Variants in CSMD1 observed in about 807,000 individuals in gnomAD.
CSMD1 encodes CUB and sushi domain-containing protein 1.
In CSMD1, 213 loss-of-function variants were observed where a neutral mutation model predicts 417.5. The observed-to-expected ratio is 0.51, with a 90% CI of 0.46 to 0.57. CSMD1 has a LOEUF of 0.57. CSMD1 is among the 20% of genes least tolerant of loss of function. The pLI, the probability that CSMD1 is intolerant of heterozygous loss-of-function variation, is 0.00. For missense variants in CSMD1, 6,923 were observed against 4,529.7 expected (o/e 1.53, Z -15.17); for synonymous variants, 2,862 against 1,736.8 (o/e 1.65, Z -16.11).
chr8:4,039,155 A>T (rs995709904), intron 3 of CSMD1, among the ~76,000 whole-genome samples: 1 of 152,202 alleles, frequency 6.6e-6, no homozygotes, highest in Non-Finnish European at 1.5e-5. Context: ...GCATGTGTAC[A>T]ATCAGTGGAA....
rs138595126 is a variant in CSMD1, at chr8:2,951,668, C to G, written c.10040-393G>C. 1.3e-3 allele frequency among the ~76,000 whole-genome samples: 203 copies of G among 152,184 alleles called. 1 individual carries two copies. Among genetic ancestry groups the G allele is most frequent in the African/African-American group, 4.4e-3 (181 of 41,528 alleles). ...TCACTACTGATATTTCAATGATATC[C>G]AAGTCTACTCTTTGAAAGACTTGGA... On this transcript the variant is annotated intron_variant, in intron 65 of 69. Transcript: ENST00000635120.
intron 2 of CSMD1, among the ~76,000 whole-genome samples, chr8:4,627,719 T>G (rs945135136): frequency 6.6e-6 from 1 of 152,028 alleles, no homozygotes; most frequent in Non-Finnish European, 1.5e-5. Context: ...GCCAAAAAAA[T>G]AACAGTTGCT....
chr8:4,367,391 G>T (rs545001993), intron 3 of CSMD1, among the ~76,000 whole-genome samples: 4 of 151,970 alleles, frequency 2.6e-5, no homozygotes, highest in Middle Eastern at 3.2e-3. Flanking sequence ...TTATTTCTGG[G>T]TCCTCTCTCA....
At position 3,412,180 on chromosome 8, in the gene CSMD1, A is replaced by G. The variant is rs1031003672; in HGVS notation, c.1562-2575T>C. 2.0e-5 allele frequency among the ~76,000 whole-genome samples: 3 copies of G among 146,478 alleles called. 1 individual carries two copies. Among genetic ancestry groups the G allele is most frequent in the Non-Finnish European group, 4.5e-5 (3 of 67,080 alleles). ...CGTATATATACATATATACATATATATACACACATATACATACATACACAC... is the reference window on the plus strand; with the variant it reads ...CGTATATATACATATATACATATATGTACACACATATACATACATACACAC... On this transcript the variant is annotated intron_variant, in intron 12 of 69. Coordinates refer to ENST00000635120, the MANE Select transcript of CSMD1 (RefSeq NM_033225.6).
chr8:3,282,383 G>T (rs1259705709), intron 26 of CSMD1, among the ~76,000 whole-genome samples: 3 of 151,896 alleles, frequency 2.0e-5, no homozygotes, highest in Admixed American at 2.0e-4. Context: ...AATAAAACCT[G>T]TTGAAAAAAA....
chr8:4,404,015 T>C (rs956139943), intron 3 of CSMD1, among the ~76,000 whole-genome samples: 3 of 152,178 alleles, frequency 2.0e-5, no homozygotes, highest in South Asian at 2.1e-4. Context: ...GCAAACTCGA[T>C]TGGTATTAAA....
At chr8:4,687,220 G>T (rs1384588580) in intron 1 of CSMD1, among the ~76,000 whole-genome samples, 1 of 152,186 alleles carries the variant, frequency 6.6e-6, no homozygotes, top group Non-Finnish European at 1.5e-5. Flanking sequence ...TCTGATGACT[G>T]CATCTCCAGG....
intron 10 of CSMD1, among the ~76,000 whole-genome samples, chr8:3,507,368 T>A (rs147577461): frequency 6.6e-6 from 1 of 152,228 alleles, no homozygotes; most frequent in Non-Finnish European, 1.5e-5. Context: ...TATTACATGA[T>A]GTATTTGTGC....
intron 2 of CSMD1, among the ~76,000 whole-genome samples, chr8:4,482,282 T>C (rs567261078): frequency 5.3e-4 from 80 of 152,256 alleles, no homozygotes; most frequent in African/African-American, 1.8e-3. Flanking sequence ...TGTGTGTTGT[T>C]CCTCTCTGTG....
At chr8:3,763,337 G>A (rs979434968) in intron 5 of CSMD1, among the ~76,000 whole-genome samples, 2 of 152,118 alleles carry the variant, frequency 1.3e-5, no homozygotes, top group African/African-American at 4.8e-5. Flanking sequence ...GGGAGGTGTT[G>A]GTGTCATGGG....
intron 5 of CSMD1, among the ~76,000 whole-genome samples, chr8:3,946,041 C>A (rs1811201568): frequency 3.3e-5 from 5 of 152,132 alleles, no homozygotes. Flanking sequence ...GTAGGCGCTA[C>A]TTTTACCTTT....
At chr8:3,212,730 C>T (rs1028252215) in intron 30 of CSMD1, among the ~76,000 whole-genome samples, 4 of 151,958 alleles carry the variant, frequency 2.6e-5, no homozygotes, top group Non-Finnish European at 4.4e-5. Context: ...GTTTCAGGAT[C>T]ATAAGAGAAT....
intron 26 of CSMD1, among the ~76,000 whole-genome samples, chr8:3,259,729 T>A (rs17319673): frequency 6.6e-6 from 1 of 152,128 alleles, no homozygotes. Context: ...ACTCACTGAT[T>A]GATTTTGTGT....
At chr8:4,150,505 G>C (rs57428505) in intron 3 of CSMD1, among the ~76,000 whole-genome samples, 50,528 of 152,000 alleles carry the variant, frequency 0.33, 8,547 homozygotes, top group Middle Eastern at 0.43. Flanking sequence ...ATATCTTCTA[G>C]AAGGCAGAAT....
intron 3 of CSMD1, among the ~76,000 whole-genome samples, chr8:4,314,118 G>A (rs1392774998): frequency 4.6e-5 from 7 of 151,986 alleles, no homozygotes; most frequent in African/African-American, 1.7e-4. Context: ...ATACCACCAT[G>A]TATCCGACAT....
chr8:4,038,610 T>C (rs1414478716), intron 3 of CSMD1, among the ~76,000 whole-genome samples: 1 of 152,248 alleles, frequency 6.6e-6, no homozygotes. Context: ...ATGAAGAATT[T>C]AGTAAATACC....
At chr8:4,652,865 A>G (rs1348515352) in intron 1 of CSMD1, among the ~76,000 whole-genome samples, 1 of 152,086 alleles carries the variant, frequency 6.6e-6, no homozygotes, top group Non-Finnish European at 1.5e-5. Flanking sequence ...ACCGTTCACA[A>G]TAGGGTTCAT....
At chr8:4,021,498 C>G (rs1023333244) in intron 4 of CSMD1, among the ~76,000 whole-genome samples, 4 of 152,106 alleles carry the variant, frequency 2.6e-5, no homozygotes, top group African/African-American at 4.8e-5. Context: ...CGCTACATCC[C>G]CAGCATCGTC....
intron 2 of CSMD1, among the ~76,000 whole-genome samples, chr8:4,538,371 G>A (rs568498916): frequency 4.1e-4 from 63 of 151,810 alleles, no homozygotes; most frequent in Admixed American, 1.6e-3. Context: ...GGCTGGGTGC[G>A]ATGGCTTATG....
Sources: allele counts gnomAD v4.1 joint callset (sites outside exome capture counted in the v4.1 genomes callset), GRCh38; gene constraint gnomAD v4.1.1; transcripts MANE v1.5; gene names NCBI Gene and HGNC (gene_info 2026-07-23, HGNC 2026-07-21).